CFAP20DC: variants seen among roughly 807,000 people sequenced by gnomAD.
CFAP20DC encodes the protein CFAP20 domain containing, also known as protein CFAP20DC.
In CFAP20DC, 84 loss-of-function variants were observed where a neutral mutation model predicts 101.7. The observed-to-expected ratio is 0.83, with a 90% CI of 0.69 to 0.99. The LOEUF is 0.99. Ranked by LOEUF, CFAP20DC falls within the 50% of genes least tolerant of loss-of-function variation. CFAP20DC has a pLI of 0.00. For missense variants in CFAP20DC, 1,007 were observed against 970.3 expected (o/e 1.04, Z -0.50); for synonymous variants, 359 against 351.2 (o/e 1.02, Z -0.25).
intron 4 of CFAP20DC, among the ~76,000 whole-genome samples, chr3:59,034,278 T>C (rs1267012994): frequency 6.6e-6 from 1 of 151,876 alleles, no homozygotes; most frequent in Non-Finnish European, 1.5e-5. Flanking sequence ...TATGAAGAAA[T>C]TGCATCAACT....
At chr3:58,789,270 A>C (rs1461580329) in intron 15 of CFAP20DC, among the ~76,000 whole-genome samples, 2 of 152,230 alleles carry the variant, frequency 1.3e-5, no homozygotes, top group Non-Finnish European at 2.9e-5. Flanking sequence ...TAAAATTAGA[A>C]TACAAAATAA....
chr3:58,998,970 T>C (rs773024054), intron 4 of CFAP20DC, among the ~76,000 whole-genome samples: 5 of 152,224 alleles, frequency 3.3e-5, no homozygotes, highest in Non-Finnish European at 7.3e-5. Context: ...GGTGGACAGT[T>C]AAACTCCAAA....
chr3:58,794,858 G>A (rs982659535), intron 15 of CFAP20DC, among the ~76,000 whole-genome samples: 10 of 152,140 alleles, frequency 6.6e-5, no homozygotes, highest in African/African-American at 1.7e-4. Context: ...CTCATCGAGC[G>A]TTGCTGAAAG....
rs565008501 is a variant in CFAP20DC at position 58,795,237 on chromosome 3, T to C, written c.2237+11158A>G. 6.6e-6 allele frequency among the ~76,000 whole-genome samples: 1 copy of C among 152,202 alleles called. No individual in the cohort carries two copies. Among genetic ancestry groups the C allele is most frequent in the Non-Finnish European group, 1.5e-5 (1 of 68,028 alleles). On this transcript the variant is annotated intron_variant, in intron 15 of 16. Coordinates refer to ENST00000482387, the MANE Select transcript of CFAP20DC (RefSeq NM_001394063.1). This position sits in a 1 kb window ranked among gnomAD's most constrained non-coding sequence, Gnocchi z 4.2. Reference sequence around the variant, plus strand: ...ATAATTGCTTTGGTAATTACCTTCTTTAACTGGATTGTGGGCCAAAGGTAA... The same window carrying C: ...ATAATTGCTTTGGTAATTACCTTCTCTAACTGGATTGTGGGCCAAAGGTAA...
chr3:58,962,477 G>T (rs1344148890), intron 4 of CFAP20DC, among the ~76,000 whole-genome samples: 1 of 152,156 alleles, frequency 6.6e-6, no homozygotes, highest in Non-Finnish European at 1.5e-5. Context: ...CACTGAAAGA[G>T]AATCTGTATT....
rs76841045 is a variant in CFAP20DC, at chr3:58,991,358, A to G, written c.278+48199T>C. On this transcript the variant is annotated intron_variant, in intron 4 of 16. Transcript: ENST00000482387. ...AAATTAATGATGTCTTCTAAAGGCT[A>G]CATATGAAACAGCATGTTCAATAAA... Among the ~76,000 whole-genome samples the G allele has an allele frequency of 2.7e-3, 413 of 152,314 alleles. 1 individual carries two copies. Among genetic ancestry groups the G allele is most frequent in the African/African-American group, 9.4e-3 (389 of 41,572 alleles).
At position 58,742,404 on chromosome 3, in the gene CFAP20DC, T is replaced by C. The variant is rs2067922170; in HGVS notation, c.*56A>G. 1 of 1,508,962 alleles carries C rather than the reference T, an allele frequency of 6.6e-7. No individual in the cohort carries two copies. 93.5% of individuals were successfully genotyped at this position (1,508,962 alleles called of 1,614,324 possible). On this transcript the variant is annotated 3_prime_UTR_variant, in exon 17 of 17. Transcript: ENST00000482387. ...GTTGTGGTGACTCCTTAAGCGACCC[T>C]GAACTGCTATTCTGCTCCAGCTGGG...
Position 58,937,634 on chromosome 3 carries a change from C to G in CFAP20DC, c.393+14G>C, listed in dbSNP as rs572814311. On this transcript the variant is annotated intron_variant, in intron 5 of 16. Transcript: ENST00000482387. ...TGAATTTAATATTTTAGGCAACATT[C>G]ATGTGATACTTACAATTTTACGTTT... 1.1e-4 allele frequency: 152 copies of G among 1,444,042 alleles called. No individual in the cohort carries two copies. In the South Asian group the frequency reaches 1.4e-3, roughly 14 times the overall value. 89.5% of individuals were successfully genotyped at this position (1,444,042 alleles called of 1,614,324 possible). A position where few individuals can be genotyped will look rare whatever the true frequency, so the allele number is the denominator to read the frequency against.
chr3:59,039,513 G>T, intron 4 of CFAP20DC, 44 bp downstream of exon 4: 1 of 1,179,158 alleles, frequency 8.5e-7, no homozygotes, highest in Non-Finnish European at 1.2e-6. Context: ...TTGATCAAAT[G>T]TCTAATACAC....
chr3:58,840,601 G>A (rs2077033677), intron 13 of CFAP20DC, among the ~76,000 whole-genome samples: 1 of 152,160 alleles, frequency 6.6e-6, no homozygotes, highest in African/African-American at 2.4e-5. Flanking sequence ...AGAGCAGGAA[G>A]CACACAACCA....
At chr3:58,937,034 G>A (rs1691717613) in intron 5 of CFAP20DC, among the ~76,000 whole-genome samples, 1 of 152,008 alleles carries the variant, frequency 6.6e-6, no homozygotes, top group Non-Finnish European at 1.5e-5. Context: ...CACAAACAGG[G>A]TACTGAGAGT....
At chr3:58,920,971 T>C (rs2085299811) in intron 5 of CFAP20DC, among the ~76,000 whole-genome samples, 2 of 152,190 alleles carry the variant, frequency 1.3e-5, no homozygotes, top group Non-Finnish European at 2.9e-5. Flanking sequence ...GTTATAAGGC[T>C]ATCCACATTT....
In CFAP20DC at chr3:58,799,404, T is replaced by TA. The variant is rs1174180143; in HGVS notation, c.2237+6990dup. On this transcript the variant is annotated intron_variant, in intron 15 of 16. Coordinates refer to ENST00000482387, the MANE Select transcript of CFAP20DC (RefSeq NM_001394063.1). This position sits in a 1 kb window ranked among gnomAD's most constrained non-coding sequence, Gnocchi z 4.9. ...AACTCACAAAAAAGGTTTCGTTTAT[T>TA]ATAAATGGGAACAGGGCCAGGTACT... Among the ~76,000 whole-genome samples the TA allele has an allele frequency of 6.6e-6, 1 of 152,202 alleles. No homozygotes were observed. Among genetic ancestry groups the TA allele is most frequent in the Non-Finnish European group, 1.5e-5 (1 of 68,032 alleles).
At chr3:58,810,567 G>A (rs1199886025) in intron 14 of CFAP20DC, among the ~76,000 whole-genome samples, 3 of 151,464 alleles carry the variant, frequency 2.0e-5, no homozygotes, top group African/African-American at 4.9e-5. Context: ...AATAATAAGA[G>A]CTATCTATGA....
At chr3:59,044,867 G>A (rs918993623) in intron 3 of CFAP20DC, among the ~76,000 whole-genome samples, 2 of 151,986 alleles carry the variant, frequency 1.3e-5, no homozygotes, top group Admixed American at 6.6e-5. Flanking sequence ...TTAAAAAGAT[G>A]TCCTGTGCCT....
At chr3:58,846,392 C>T (rs1487244458) in intron 13 of CFAP20DC, among the ~76,000 whole-genome samples, 1 of 151,906 alleles carries the variant, frequency 6.6e-6, no homozygotes, top group Non-Finnish European at 1.5e-5. Flanking sequence ...AGAGCCAAAT[C>T]ATGAGTGAAC....
intron 4 of CFAP20DC, among the ~76,000 whole-genome samples, chr3:58,949,919 A>G (rs1241432491): frequency 1.3e-5 from 2 of 152,218 alleles, no homozygotes; most frequent in Non-Finnish European, 2.9e-5. Flanking sequence ...AGTTCTGGCC[A>G]GGGCAATTAG....
intron 4 of CFAP20DC, among the ~76,000 whole-genome samples, chr3:58,972,646 G>C (rs2092017517): frequency 6.6e-6 from 1 of 152,158 alleles, no homozygotes; most frequent in Non-Finnish European, 1.5e-5. Flanking sequence ...TCCCAATTAA[G>C]TTAGACAATA....
chr3:59,003,219 A>T (rs1559973910), intron 4 of CFAP20DC, among the ~76,000 whole-genome samples: 1 of 151,192 alleles, frequency 6.6e-6, no homozygotes, highest in Non-Finnish European at 1.5e-5. Context: ...ATTTCTCTCT[A>T]TTTTTTTTAT....
Sources: allele counts gnomAD v4.1 joint callset (sites outside exome capture counted in the v4.1 genomes callset), GRCh38; gene constraint gnomAD v4.1.1; non-coding constraint Gnocchi (gnomAD v3.1); transcripts MANE v1.5; gene names NCBI Gene and HGNC (gene_info 2026-07-23, HGNC 2026-07-21).